Variants in CYP19A1 observed in about 807,000 individuals in gnomAD.
CYP19A1 encodes cytochrome P450 family 19 subfamily A member 1.
In CYP19A1, 32 loss-of-function variants were observed where a neutral mutation model predicts 44.4. That is an observed-to-expected ratio of 0.72 (90% CI 0.54 to 0.97). CYP19A1 has a LOEUF of 0.97. CYP19A1 is among the 50% of genes least tolerant of loss of function. The probability of loss-of-function intolerance (pLI) is 0.00; values close to 1 mark genes in which losing one functional copy is unlikely to be tolerated. For synonymous variants in CYP19A1, 212 were observed against 215.6 expected (o/e 0.98, Z 0.14); for missense variants, 598 against 637.8 (o/e 0.94, Z 0.67).
intron 1 of CYP19A1, among the ~76,000 whole-genome samples, chr15:51,276,371 A>G (rs2035310489): frequency 6.6e-6 from 1 of 152,176 alleles, no homozygotes; most frequent in African/African-American, 2.4e-5. Context: ...CGAAAGACAC[A>G]GTGACTCGAT....
intron 1 of CYP19A1, chr15:51,312,208 AC>A (rs879775859): frequency 3.9e-5 from 6 of 152,296 alleles, no homozygotes; most frequent in Admixed American, 1.3e-4. Flanking sequence ...TCTGTAGAAA[AC>A]TTTTCATTTT....
At chr15:51,334,642 A>G (rs1487799934) in intron 1 of CYP19A1, among the ~76,000 whole-genome samples, 1 of 151,978 alleles carries the variant, frequency 6.6e-6, no homozygotes, top group Non-Finnish European at 1.5e-5. Context: ...AAAGGCCATC[A>G]CTCCAGGTGA....
At chr15:51,311,806 C>T (rs1435230135) in intron 1 of CYP19A1, among the ~76,000 whole-genome samples, 1 of 152,146 alleles carries the variant, frequency 6.6e-6, no homozygotes, top group East Asian at 1.9e-4. Context: ...TTAACCCTGG[C>T]TCACTGACAT....
intron 1 of CYP19A1, among the ~76,000 whole-genome samples, chr15:51,328,383 G>A (rs1480778957): frequency 2.0e-5 from 3 of 152,214 alleles, no homozygotes; most frequent in Non-Finnish European, 4.4e-5. Flanking sequence ...CCTGACCACT[G>A]CAGAGCATCT....
chr15:51,308,138 G>A (rs1344649418), intron 1 of CYP19A1, among the ~76,000 whole-genome samples: 9 of 152,188 alleles, frequency 5.9e-5, no homozygotes, highest in East Asian at 1.9e-4. Context: ...GCAGGTTCCC[G>A]CAACCCTCCT....
intron 1 of CYP19A1, chr15:51,323,765 T>G (rs2036565476): frequency 2.0e-5 from 3 of 152,136 alleles, no homozygotes; most frequent in Non-Finnish European, 2.9e-5. Context: ...ACACCGGCGC[T>G]TTCCCTTCCA....
chr15:51,271,741 G>C (rs1468530013), intron 1 of CYP19A1, among the ~76,000 whole-genome samples: 2 of 152,194 alleles, frequency 1.3e-5, no homozygotes, highest in Non-Finnish European at 2.9e-5. Context: ...TGTGGCTACT[G>C]CCACTCTTTG....
Position 51,319,763 on chromosome 15 carries a change from C to G in CYP19A1, c.-39+18732G>C, listed in dbSNP as rs2036494097. Among the ~76,000 whole-genome samples the G allele has an allele frequency of 2.6e-5, 4 of 152,216 alleles. No homozygotes were observed. The South Asian group carries it at 8.3e-4, about 31-fold the overall frequency. ...TGTAGCCCTGCACGTGTGCAAGCTGCTCTTTTAAGTGGACAGCAAAAGACA... is the reference window on the plus strand; with the variant it reads ...TGTAGCCCTGCACGTGTGCAAGCTGGTCTTTTAAGTGGACAGCAAAAGACA... On this transcript the variant is annotated intron_variant, in intron 1 of 9. Coordinates refer to ENST00000396402, the MANE Select transcript of CYP19A1 (RefSeq NM_000103.4).
At chr15:51,325,783 A>G (rs1166018539) in intron 1 of CYP19A1, among the ~76,000 whole-genome samples, 1 of 133,044 alleles carries the variant, frequency 7.5e-6, no homozygotes, top group East Asian at 2.6e-4. Flanking sequence ...GGTTGCAGTG[A>G]GCCAAGATGG....
chr15:51,299,801 C>T (rs774437847), intron 1 of CYP19A1, among the ~76,000 whole-genome samples: 1 of 152,156 alleles, frequency 6.6e-6, no homozygotes, highest in Non-Finnish European at 1.5e-5. Flanking sequence ...TGCTAAACAC[C>T]CTCATTTTAG....
At chr15:51,244,461 G>C (rs2033958339) in intron 1 of CYP19A1, among the ~76,000 whole-genome samples, 1 of 151,582 alleles carries the variant, frequency 6.6e-6, no homozygotes, top group Admixed American at 6.6e-5. Context: ...GCAGTTTTGT[G>C]GTTGTTTTTT....
chr15:51,268,939 T>G (rs986137567), intron 1 of CYP19A1, among the ~76,000 whole-genome samples: 2 of 152,202 alleles, frequency 1.3e-5, no homozygotes, highest in Non-Finnish European at 2.9e-5. Flanking sequence ...ATATATATTC[T>G]GGATTCGAGT....
intron 1 of CYP19A1, among the ~76,000 whole-genome samples, chr15:51,289,794 G>T (rs2035800953): frequency 6.6e-6 from 1 of 152,166 alleles, no homozygotes; most frequent in Non-Finnish European, 1.5e-5. Context: ...AACCTTGAAG[G>T]GTGGGGAGAT....
At chr15:51,232,781 G>A in intron 3 of CYP19A1, among the ~76,000 whole-genome samples, 1 of 151,974 alleles carries the variant, frequency 6.6e-6, no homozygotes, top group East Asian at 1.9e-4. Flanking sequence ...TGCCTAACTG[G>A]TCTGTCTGTC....
At chr15:51,314,102 G>A (rs2036374590) in intron 1 of CYP19A1, 1 of 151,916 alleles carries the variant, frequency 6.6e-6, no homozygotes, top group African/African-American at 2.4e-5. Context: ...TTATTCTAGG[G>A]TCACACAGCC....
At chr15:51,259,862 G>A (rs2034649514) in intron 1 of CYP19A1, among the ~76,000 whole-genome samples, 1 of 152,194 alleles carries the variant, frequency 6.6e-6, no homozygotes, top group Admixed American at 6.5e-5. Flanking sequence ...CCATTTACCA[G>A]CTTTCCTAGA....
chr15:51,306,744 A>G (rs976893718), intron 1 of CYP19A1, among the ~76,000 whole-genome samples: 4 of 152,246 alleles, frequency 2.6e-5, no homozygotes, highest in African/African-American at 9.6e-5. Flanking sequence ...ATAGAAAGAC[A>G]ATTAACAATA....
At chr15:51,318,750 A>G (rs1284864449) in intron 1 of CYP19A1, 2 of 152,174 alleles carry the variant, frequency 1.3e-5, no homozygotes, top group African/African-American at 4.8e-5. Flanking sequence ...TGTGGCTGTC[A>G]TGGTTAGAAT....
intron 1 of CYP19A1, among the ~76,000 whole-genome samples, chr15:51,248,433 G>A (rs2034161352): frequency 6.6e-6 from 1 of 152,202 alleles, no homozygotes; most frequent in Non-Finnish European, 1.5e-5. Flanking sequence ...GAGTGACTTT[G>A]TAATGTCAGC....
Sources: gnomAD v4.1 joint callset for allele counts (sites outside exome capture counted in the v4.1 genomes callset) on GRCh38, gnomAD v4.1.1 for gene constraint, MANE v1.5 for transcripts, NCBI Gene and HGNC (gene_info 2026-07-23, HGNC 2026-07-21) for gene names.